RYR2: variants seen among roughly 807,000 people sequenced by gnomAD.
RYR2 encodes the protein cardiac muscle ryanodine receptor-calcium release channel.
Under a neutral mutation model 601.1 loss-of-function variants are expected in RYR2, and 227 were observed. That is an observed-to-expected ratio of 0.38 (90% CI 0.34 to 0.42). RYR2 has a LOEUF of 0.42. RYR2 is among the 10% of genes least tolerant of loss of function. RYR2 has a pLI of 1.00. For missense variants in RYR2, 4,646 were observed against 6,156.5 expected, an observed-to-expected ratio of 0.75 and a Z score of 8.21; for synonymous variants, 2,223 against 2,175.1, an observed-to-expected ratio of 1.02 and a Z score of -0.61.
chr1:237,292,956 AG>A (rs1200304439), intron 2 of RYR2, among the ~76,000 whole-genome samples: 2 of 152,208 alleles, frequency 1.3e-5, no homozygotes, highest in Non-Finnish European at 2.9e-5. Flanking sequence ...TTATGCTCAA[AG>A]TCAGGGTTCC....
rs371607508 is a variant in RYR2, at chr1:237,643,347, A to G, written c.7242A>G (p.Gly2414=). ...PEMHLIHAGK[G]EAIRIRSILR... Reference sequence around the variant, plus strand: ...TATAGTTGATTCATGCCGGGAAGGGAGAAGCCATCAGAATTAGGTCCATTT... The same window carrying G: ...TATAGTTGATTCATGCCGGGAAGGGGGAAGCCATCAGAATTAGGTCCATTT... The change falls in exon 48 of 105, where the codon GGA becomes GGG. Residue 2414 remains glycine, a synonymous_variant. Coordinates refer to ENST00000366574, the MANE Select transcript of RYR2 (RefSeq NM_001035.3). 6.2e-7 allele frequency: 1 copy of G among 1,613,448 alleles called. No homozygotes were observed. Among genetic ancestry groups the G allele is most frequent in the African/African-American group, 1.3e-5 (1 of 74,840 alleles).
intron 8 of RYR2, among the ~76,000 whole-genome samples, chr1:237,380,085 G>A (rs1701330821): frequency 6.6e-6 from 1 of 151,802 alleles, no homozygotes; most frequent in African/African-American, 2.4e-5. Context: ...AGATGCTGAA[G>A]GACATTCCTA....
chr1:237,269,065 A>G (rs1444777037), intron 1 of RYR2, among the ~76,000 whole-genome samples: 3,187 of 113,482 alleles, frequency 0.028, 382 homozygotes, highest in African/African-American at 0.093. Flanking sequence ...TTTGTGAGAC[A>G]GAGTTTCGCT....
chr1:237,574,262 T>G (rs1435684740), intron 29 of RYR2, among the ~76,000 whole-genome samples: 1 of 152,178 alleles, frequency 6.6e-6, no homozygotes, highest in African/African-American at 2.4e-5. Flanking sequence ...TAGATGAGCT[T>G]AAGTTTTTCC....
chr1:237,454,594 C>T lies in RYR2; in HGVS notation c.1476+20C>T, dbSNP rs1558847037. The T allele has an allele frequency of 1.9e-6, 3 of 1,608,276 alleles. No individual in the cohort carries two copies. The highest frequency in any genetic ancestry group is 2.2e-5 in the East Asian group (1 of 44,604). On this transcript the variant is annotated intron_variant, in intron 15 of 104. Transcript: ENST00000366574. The stretch of plus-strand genomic sequence containing the variant: ...GAAGAGGTCCGTTTCTATCAACACT[C>T]ATTTCTCTTCTGTTATTCTCTTGTA...
intron 47 of RYR2, among the ~76,000 whole-genome samples, chr1:237,642,458 G>T (rs1681658918): frequency 6.6e-6 from 1 of 152,092 alleles, no homozygotes; most frequent in Non-Finnish European, 1.5e-5. Flanking sequence ...CACAATATTT[G>T]TTATTTTTCC....
intron 1 of RYR2, among the ~76,000 whole-genome samples, chr1:237,139,812 C>A (rs1673182960): frequency 6.6e-6 from 1 of 152,210 alleles, no homozygotes; most frequent in Non-Finnish European, 1.5e-5. Context: ...CTAACAGATT[C>A]AAATAATTTG....
intron 1 of RYR2, among the ~76,000 whole-genome samples, chr1:237,200,309 G>T (rs554012012): frequency 6.6e-6 from 1 of 151,694 alleles, no homozygotes. Context: ...TGTTGCCCGG[G>T]TTGGAGTGCA....
intron 2 of RYR2, among the ~76,000 whole-genome samples, chr1:237,308,988 T>C (rs1694223659): frequency 6.6e-6 from 1 of 152,258 alleles, no homozygotes; most frequent in African/African-American, 2.4e-5. Flanking sequence ...CCCCACTAGA[T>C]TAGCTAGACA....
intron 6 of RYR2, among the ~76,000 whole-genome samples, chr1:237,371,079 T>TA (rs1187403283): frequency 6.6e-6 from 1 of 151,864 alleles, no homozygotes; most frequent in Non-Finnish European, 1.5e-5. Context: ...TGGAGGCTTT[T>TA]AAAAAAAGTT....
Position 237,709,059 on chromosome 1 carries a change from C to G in RYR2, c.10103C>G (p.Ala3368Gly). 6.2e-7 allele frequency: 1 copy of G among 1,601,120 alleles called. No homozygotes were observed. Among genetic ancestry groups the G allele is most frequent in the Non-Finnish European group, 8.5e-7 (1 of 1,171,866 alleles). The change falls in exon 69 of 105, where the codon GCC becomes GGC. Residue 3368 changes from alanine to glycine, a missense_variant. Transcript: ENST00000366574. ...ACCACACTGGCCAGAGATCTCTATGCCTTCTACCCTCTCTTGATTAGATTT... is the reference window on the plus strand; with the variant it reads ...ACCACACTGGCCAGAGATCTCTATGGCTTCTACCCTCTCTTGATTAGATTT... The part of the protein sequence containing the change: ...EFTTLARDLY[A>G]FYPLLIRFVD...
chr1:237,773,715 G>A (rs552955812), intron 87 of RYR2, 67 bp downstream of exon 87: 2 of 1,356,372 alleles, frequency 1.5e-6, no homozygotes, highest in East Asian at 2.4e-5. Flanking sequence ...TATATCTAGA[G>A]TAGTTTCCAT....
intron 1 of RYR2, among the ~76,000 whole-genome samples, chr1:237,119,857 T>A (rs1670583101): frequency 2.6e-5 from 4 of 152,206 alleles, no homozygotes; most frequent in Admixed American, 2.6e-4. Context: ...CTGATCACTT[T>A]TCTTCAGCTT....
rs1218096653 is a variant in RYR2 at position 237,828,391 on chromosome 1, T to C, written c.14601T>C (p.Ile4867=). ...ILLAIIQGLI[I]DAFGELRDQQ... ...TTTATTTAACACCAGGTCTAATTATTGATGCTTTTGGAGAACTAAGAGACC... is the reference window on the plus strand; with the variant it reads ...TTTATTTAACACCAGGTCTAATTATCGATGCTTTTGGAGAACTAAGAGACC... Residue 4867 remains isoleucine, a synonymous_variant, in exon 102 of 105, where the codon ATT becomes ATC. Coordinates refer to ENST00000366574, the MANE Select transcript of RYR2 (RefSeq NM_001035.3). The C allele has an allele frequency of 6.4e-7, 1 of 1,561,310 alleles. No homozygotes were observed. The highest frequency in any genetic ancestry group is 8.7e-7 in the Non-Finnish European group (1 of 1,150,014).
intron 42 of RYR2, 106 bp downstream of exon 42, chr1:237,631,647 G>A (rs1395441127): frequency 2.7e-6 from 1 of 370,914 alleles, no homozygotes; most frequent in Non-Finnish European, 4.1e-6. Context: ...TTTTTTTTTG[G>A]AGACAGAGGC....
intron 5 of RYR2, among the ~76,000 whole-genome samples, chr1:237,368,206 G>A (rs1028332215): frequency 2.0e-5 from 3 of 152,104 alleles, no homozygotes; most frequent in Non-Finnish European, 4.4e-5. Context: ...CATAAAATAT[G>A]TAAAAGTTTC....
chr1:237,101,208 C>T (rs1053345480), intron 1 of RYR2, among the ~76,000 whole-genome samples: 1 of 148,904 alleles, frequency 6.7e-6, no homozygotes, highest in Admixed American at 6.9e-5. Context: ...AGTTCAGAGA[C>T]TTGGCTTTGG....
At position 237,395,533 on chromosome 1, in the gene RYR2, C is replaced by CTTTTT. The variant is rs71180022; in HGVS notation, c.773+7377_773+7381dup. Reference sequence around the variant, plus strand: ...AGGACACGTCCGCTAGTAGGACTGTCTTTTTTTTTTTTTTTTTTTTTTTTT... The same window carrying CTTTTT: ...AGGACACGTCCGCTAGTAGGACTGTCTTTTTTTTTTTTTTTTTTTTTTTTTTTTTT... On this transcript the variant is annotated intron_variant, in intron 10 of 104. Coordinates refer to ENST00000366574, the MANE Select transcript of RYR2 (RefSeq NM_001035.3). Among the ~76,000 whole-genome samples, 45 of 87,430 alleles carry CTTTTT rather than the reference C, an allele frequency of 5.1e-4. 3 individuals are homozygous for CTTTTT. Among genetic ancestry groups the CTTTTT allele is most frequent in the South Asian group, 9.1e-4 (2 of 2,198 alleles). The allele number at this position is 87,430 out of a possible 152,430, so 57.4% of individuals were successfully genotyped here.
chr1:237,721,818 CTG>C (rs1425817202), intron 73 of RYR2, among the ~76,000 whole-genome samples: 2 of 152,178 alleles, frequency 1.3e-5, no homozygotes, highest in Non-Finnish European at 1.5e-5. Context: ...CCGTGCCCGG[CTG>C]CTTTGTCCAT....
Sources: gnomAD v4.1 joint callset for allele counts (sites outside exome capture counted in the v4.1 genomes callset) on GRCh38, gnomAD v4.1.1 for gene constraint, MANE v1.5 for transcripts, NCBI Gene and HGNC (gene_info 2026-07-23, HGNC 2026-07-21) for gene names.